MAPK10: variants seen among roughly 807,000 people sequenced by gnomAD.
MAPK10 encodes the protein mitogen-activated protein kinase 10, also known as JNK3 alpha protein kinase.
In MAPK10, 25 loss-of-function variants were observed where a neutral mutation model predicts 59.3. That is an observed-to-expected ratio of 0.42 (90% CI 0.31 to 0.59). The LOEUF (loss-of-function observed/expected upper bound fraction) is 0.59. Ranked by LOEUF, MAPK10 falls within the 20% of genes least tolerant of loss-of-function variation. MAPK10 has a pLI of 0.15. For synonymous variants in MAPK10, 190 were observed against 200.5 expected (o/e 0.95, Z 0.44); for missense variants, 351 against 568.9 (o/e 0.62, Z 3.90).
intron 1 of MAPK10, among the ~76,000 whole-genome samples, chr4:86,372,560 GAAAGAAA>G (rs1254257877): frequency 0.093 from 1,138 of 12,208 alleles, 30 homozygotes; most frequent in Non-Finnish European, 0.17. Context: ...AAGAAAGAAA[GAAAGAAA>G]GAAAAGAAAA....
intron 13 of MAPK10, among the ~76,000 whole-genome samples, chr4:86,019,702 T>G (rs1014400522): frequency 4.6e-5 from 7 of 152,222 alleles, no homozygotes; most frequent in African/African-American, 1.7e-4. Context: ...CTCAGAATTC[T>G]CTTCCATTTA....
At chr4:86,116,934 G>C (rs116484664) in intron 4 of MAPK10, among the ~76,000 whole-genome samples, 1,660 of 152,286 alleles carry the variant, frequency 0.011, 32 homozygotes, top group African/African-American at 0.037. Context: ...ACAGGATAAA[G>C]CATTAATTCC....
intron 2 of MAPK10, among the ~76,000 whole-genome samples, chr4:86,251,546 G>A (rs1370126134): frequency 7.4e-6 from 1 of 134,284 alleles, no homozygotes; most frequent in Non-Finnish European, 1.6e-5. Context: ...TGGTGTATAT[G>A]TGCCACATTT....
chr4:86,557,476 A>G (rs1760356776), intron 1 of MAPK10, among the ~76,000 whole-genome samples: 2 of 152,094 alleles, frequency 1.3e-5, no homozygotes, highest in Admixed American at 1.3e-4. Flanking sequence ...CAACAGTTTC[A>G]TTGTTAATTT....
At chr4:86,027,789 C>G (rs2043649) in intron 13 of MAPK10, 2 of 151,904 alleles carry the variant, frequency 1.3e-5, no homozygotes, top group Non-Finnish European at 2.9e-5. Context: ...ACAATCAATA[C>G]GGGATAATAA....
upstream of MAPK10, among the ~76,000 whole-genome samples, chr4:86,362,152 A>G (rs1578903263): frequency 2.0e-5 from 3 of 152,180 alleles, no homozygotes; most frequent in East Asian, 5.8e-4. Context: ...CCCCATAAAT[A>G]TATACAATTA....
chr4:86,280,797 A>T (rs552681767), intron 2 of MAPK10, among the ~76,000 whole-genome samples: 1 of 152,324 alleles, frequency 6.6e-6, no homozygotes, highest in Non-Finnish European at 1.5e-5. Context: ...CTTTGCAGCA[A>T]CATAGATGCA....
chr4:86,249,579 C>A (rs2093311156), intron 2 of MAPK10, among the ~76,000 whole-genome samples: 1 of 151,986 alleles, frequency 6.6e-6, no homozygotes, highest in African/African-American at 2.4e-5. Context: ...TGTAAGAAGG[C>A]AGGAGAAAAT....
rs542093812 is a variant in MAPK10 at position 86,382,587 on chromosome 4, C to T, written c.-121-27943G>A. The stretch of plus-strand genomic sequence containing the variant: ...CCCAGTGCCTGGCATAAAGTCGGAG[C>T]GCAATAAACACATGGTGTGTAACTA... On this transcript the variant is annotated intron_variant, in intron 1 of 13. Coordinates refer to the MAPK10 transcript ENST00000361569. 9.9e-5 allele frequency among the ~76,000 whole-genome samples: 15 copies of T among 152,224 alleles called. No individual in the cohort carries two copies. The East Asian group carries it at 1.5e-3, about 16-fold the overall frequency.
chr4:86,461,956 T>C (rs1438159313), intron 1 of MAPK10, among the ~76,000 whole-genome samples: 1 of 152,220 alleles, frequency 6.6e-6, no homozygotes, highest in Non-Finnish European at 1.5e-5. Flanking sequence ...CAGGGAAATA[T>C]AGCTACATTT....
At chr4:86,576,723 C>T (rs1243873673) in intron 1 of MAPK10, among the ~76,000 whole-genome samples, 2 of 151,322 alleles carry the variant, frequency 1.3e-5, no homozygotes, top group Admixed American at 6.6e-5. Context: ...TGCAGTGAGC[C>T]GAGATCGCGC....
intron 1 of MAPK10, among the ~76,000 whole-genome samples, chr4:86,437,691 T>A (rs892846701): frequency 1.3e-5 from 2 of 152,204 alleles, no homozygotes; most frequent in African/African-American, 2.4e-5. Flanking sequence ...CATATCTTTT[T>A]ATGCTGATCA....
At chr4:86,275,172 C>A (rs1221010550) in intron 2 of MAPK10, among the ~76,000 whole-genome samples, 1 of 151,916 alleles carries the variant, frequency 6.6e-6, no homozygotes, top group Non-Finnish European at 1.5e-5. Flanking sequence ...ATGATGGGCT[C>A]TTAAAAGAAT....
At chr4:86,156,092 C>T (rs1005956090) in intron 4 of MAPK10, among the ~76,000 whole-genome samples, 3 of 151,992 alleles carry the variant, frequency 2.0e-5, no homozygotes, top group Admixed American at 6.6e-5. Context: ...TTAATATTTT[C>T]GTATCCTAGT....
intron 9 of MAPK10, among the ~76,000 whole-genome samples, chr4:86,087,635 A>T (rs2052181665): frequency 6.6e-6 from 1 of 152,188 alleles, no homozygotes; most frequent in African/African-American, 2.4e-5. Flanking sequence ...ATTAGAAAAA[A>T]GTTTTTAGTA....
intron 1 of MAPK10, among the ~76,000 whole-genome samples, chr4:86,569,643 T>C (rs1761316351): frequency 6.6e-6 from 1 of 152,096 alleles, no homozygotes; most frequent in Non-Finnish European, 1.5e-5. Flanking sequence ...AACCATGTCT[T>C]TTGCAGCAAC....
At chr4:86,167,532 G>A (rs1450223939) in intron 3 of MAPK10, among the ~76,000 whole-genome samples, 1 of 152,164 alleles carries the variant, frequency 6.6e-6, no homozygotes. Context: ...AATCGAGTCG[G>A]CTTCATCCCT....
At chr4:86,462,202 G>A (rs1022014313) in intron 1 of MAPK10, among the ~76,000 whole-genome samples, 10 of 152,208 alleles carry the variant, frequency 6.6e-5, no homozygotes, top group African/African-American at 9.6e-5. Flanking sequence ...CCTTGCCAGC[G>A]GGGATGATAG....
chr4:86,044,262 T>C (rs1395853774), intron 11 of MAPK10, among the ~76,000 whole-genome samples: 13 of 152,180 alleles, frequency 8.5e-5, no homozygotes, highest in African/African-American at 3.1e-4. Flanking sequence ...TCAATTAAAT[T>C]GCTCTAGTTT....
Sources: gnomAD v4.1 joint callset for allele counts (sites outside exome capture counted in the v4.1 genomes callset) on GRCh38, gnomAD v4.1.1 for gene constraint, MANE v1.5 for transcripts, NCBI Gene and HGNC (gene_info 2026-07-23, HGNC 2026-07-21) for gene names.